Variants in KCNJ16 observed in about 807,000 individuals in gnomAD.
KCNJ16 encodes the protein inward rectifier potassium channel 16.
A neutral mutation model predicts 18.5 loss-of-function variants in KCNJ16; 15 were observed. That is an observed-to-expected ratio of 0.81 (90% CI 0.54 to 1.25). The LOEUF is 1.25. Ranked by LOEUF, KCNJ16 falls within the 50% of genes most tolerant of loss-of-function variation. KCNJ16 has a pLI of 0.00. For missense variants in KCNJ16, 523 were observed against 525.7 expected (o/e 0.99, Z 0.05); for synonymous variants, 174 against 186.5 (o/e 0.93, Z 0.55).
Position 70,133,494 on chromosome 17 carries a change from T to A in KCNJ16, c.*150T>A, listed in dbSNP as rs1598194986. ...GTAAGTTAAACTTGGTAAAAGATAA[T>A]CTAAAAATTCCATAGTTCTCAGTTA... On this transcript the variant is annotated 3_prime_UTR_variant, in exon 4 of 4. Coordinates refer to ENST00000392671, the MANE Select transcript of KCNJ16 (RefSeq NM_170741.4). The A allele has an allele frequency of 1.6e-6, 1 of 622,402 alleles. No individual in the cohort carries two copies. The highest frequency in any genetic ancestry group is 2.6e-6 in the Non-Finnish European group (1 of 391,048). 38.6% of individuals were successfully genotyped at this position (622,402 alleles called of 1,614,324 possible). A position where few individuals can be genotyped will look rare whatever the true frequency, so the allele number is the denominator to read the frequency against.
intron 2 of KCNJ16, among the ~76,000 whole-genome samples, chr17:70,126,853 C>T (rs1035265004): frequency 6.6e-6 from 1 of 152,156 alleles, no homozygotes; most frequent in Non-Finnish European, 1.5e-5. Flanking sequence ...ATCCCAGATT[C>T]TACATTTCTT....
intron 2 of KCNJ16, among the ~76,000 whole-genome samples, chr17:70,116,310 C>G (rs2073402433): frequency 6.6e-6 from 1 of 151,964 alleles, no homozygotes; most frequent in East Asian, 1.9e-4. Flanking sequence ...ATGATTGTAC[C>G]ATTACCTATG....
chr17:70,102,464 G>A (rs1048098636), intron 2 of KCNJ16, among the ~76,000 whole-genome samples: 3 of 151,636 alleles, frequency 2.0e-5, no homozygotes, highest in African/African-American at 4.9e-5. Context: ...CTGACCTCGT[G>A]ATCTGCCCGC....
At chr17:70,088,815 T>A (rs891446841) in intron 1 of KCNJ16, among the ~76,000 whole-genome samples, 1 of 152,132 alleles carries the variant, frequency 6.6e-6, no homozygotes, top group Non-Finnish European at 1.5e-5. Context: ...ATTCTGACCA[T>A]TATACCACAA....
At chr17:70,112,952 C>A (rs953634459) in intron 2 of KCNJ16, among the ~76,000 whole-genome samples, 1 of 152,106 alleles carries the variant, frequency 6.6e-6, no homozygotes, top group African/African-American at 2.4e-5. Flanking sequence ...GATGAATTAG[C>A]CCAAGGAATT....
intron 1 of KCNJ16, among the ~76,000 whole-genome samples, chr17:70,083,190 G>T (rs951819757): frequency 6.7e-6 from 1 of 148,576 alleles, no homozygotes; most frequent in African/African-American, 2.5e-5. Flanking sequence ...AAGTAGCTGG[G>T]ATTATATATA....
At chr17:70,120,595 C>G (rs1277137107) in intron 2 of KCNJ16, among the ~76,000 whole-genome samples, 1 of 152,076 alleles carries the variant, frequency 6.6e-6, no homozygotes, top group Non-Finnish European at 1.5e-5. Context: ...GAAGGGAGAG[C>G]AAGCACTCCA....
rs77196723 is a variant in KCNJ16 at position 70,105,297 on chromosome 17, G to A, written c.-191+4531G>A. 7.2e-5 allele frequency among the ~76,000 whole-genome samples: 11 copies of A among 152,232 alleles called. No homozygotes were observed. In the South Asian group the frequency reaches 1.0e-3, roughly 14 times the overall value. The stretch of plus-strand genomic sequence containing the variant: ...ATGCTGAGCCAAACAGATTAAAAAT[G>A]TCAGTGCCATTTGCAGATCCATTAA... On this transcript the variant is annotated intron_variant, in intron 2 of 3. Coordinates refer to ENST00000392671, the MANE Select transcript of KCNJ16 (RefSeq NM_170741.4).
At chr17:70,116,636 A>G (rs562289006) in intron 2 of KCNJ16, among the ~76,000 whole-genome samples, 1 of 152,182 alleles carries the variant, frequency 6.6e-6, no homozygotes, top group Admixed American at 6.6e-5. Flanking sequence ...AAATTTAATT[A>G]AACACTTTTA....
chr17:70,086,539 T>C (rs896691355), intron 1 of KCNJ16, among the ~76,000 whole-genome samples: 2 of 152,218 alleles, frequency 1.3e-5, no homozygotes, highest in African/African-American at 2.4e-5. Flanking sequence ...AAAATGGTTA[T>C]TTATTCATCA....
At chr17:70,103,885 C>G (rs567122557) in intron 2 of KCNJ16, among the ~76,000 whole-genome samples, 1 of 151,768 alleles carries the variant, frequency 6.6e-6, no homozygotes, top group East Asian at 1.9e-4. Context: ...GTAAACAGCA[C>G]AAGTATTTAC....
intron 2 of KCNJ16, among the ~76,000 whole-genome samples, chr17:70,105,985 A>C (rs555126842): frequency 6.6e-6 from 1 of 152,234 alleles, no homozygotes; most frequent in Non-Finnish European, 1.5e-5. Context: ...GAATCTTGAA[A>C]TAATCCTGAG....
At position 70,105,832 on chromosome 17, in the gene KCNJ16, T is replaced by G. The variant is rs143841903; in HGVS notation, c.-191+5066T>G. Among the ~76,000 whole-genome samples the G allele has an allele frequency of 3.6e-4, 55 of 152,304 alleles. 1 individual carries two copies. The East Asian group carries it at 0.01, about 28-fold the overall frequency. On this transcript the variant is annotated intron_variant, in intron 2 of 3. Transcript: ENST00000392671. ...TTTCACTAGAAGAAGTGGCACAAGT[T>G]GAAGGAAGGCAGCTTATCCATGTGA...
chr17:70,122,532 A>G (rs1480777436), intron 2 of KCNJ16, among the ~76,000 whole-genome samples: 2 of 152,144 alleles, frequency 1.3e-5, no homozygotes, highest in Non-Finnish European at 2.9e-5. Flanking sequence ...TTTGTTGTTG[A>G]TATTGTTCAA....
intron 2 of KCNJ16, among the ~76,000 whole-genome samples, chr17:70,106,281 G>A (rs1010340222): frequency 1.3e-5 from 2 of 152,080 alleles, no homozygotes; most frequent in Non-Finnish European, 2.9e-5. Flanking sequence ...AGACCAAATT[G>A]GCTACGCATT....
chr17:70,106,498 T>C (rs142061470), intron 2 of KCNJ16, among the ~76,000 whole-genome samples: 2 of 152,304 alleles, frequency 1.3e-5, no homozygotes, highest in African/African-American at 4.8e-5. Context: ...AGGGGGTTAA[T>C]AGCTAAGCTC....
At chr17:70,123,477 C>T (rs898143606) in intron 2 of KCNJ16, among the ~76,000 whole-genome samples, 1 of 152,100 alleles carries the variant, frequency 6.6e-6, no homozygotes, top group Non-Finnish European at 1.5e-5. Flanking sequence ...CTCTCCCAGA[C>T]TAGATAAGGC....
rs1451736752 is a variant in KCNJ16, at chr17:70,134,616, A to G, written c.*1272A>G. On this transcript the variant is annotated 3_prime_UTR_variant, in exon 4 of 4. Transcript: ENST00000392671. ...TACTTTAAGCCCACATCCACTGAGT[A>G]AAGAGTCACTTTAAACTTTATAAAT... 6.0e-6 allele frequency: 1 copy of G among 167,090 alleles called. No homozygotes were observed. Among genetic ancestry groups the G allele is most frequent in the Non-Finnish European group, 1.5e-5 (1 of 68,116 alleles). The allele number at this position is 167,090 out of a possible 1,614,324, so 10.4% of individuals were successfully genotyped here. A position where few individuals can be genotyped will look rare whatever the true frequency, so the allele number is the denominator to read the frequency against.
At chr17:70,082,733 T>C (rs1359748996) in intron 1 of KCNJ16, among the ~76,000 whole-genome samples, 1 of 152,080 alleles carries the variant, frequency 6.6e-6, no homozygotes, top group Non-Finnish European at 1.5e-5. Context: ...AGAACGTCTT[T>C]TCACACCTGG....
Sources: allele counts gnomAD v4.1 joint callset (sites outside exome capture counted in the v4.1 genomes callset), GRCh38; gene constraint gnomAD v4.1.1; transcripts MANE v1.5; gene names NCBI Gene and HGNC (gene_info 2026-07-23, HGNC 2026-07-21).